Variants in GABRB2 observed in about 807,000 individuals in gnomAD.
The protein encoded by GABRB2 is gamma-aminobutyric acid type A receptor subunit beta2.
GABRB2 carries 16 observed loss-of-function variants against 54.7 expected under a neutral mutation model. The observed-to-expected ratio is 0.29, with a 90% CI of 0.20 to 0.44. GABRB2 has a LOEUF of 0.44. GABRB2 is among the 20% of genes least tolerant of loss of function. The probability of loss-of-function intolerance (pLI) is 1.00; values close to 1 mark genes in which losing one functional copy is unlikely to be tolerated. For missense variants in GABRB2, 355 were observed against 644.0 expected (o/e 0.55, Z 4.86); for synonymous variants, 244 against 233.8 (o/e 1.04, Z -0.40).
chr5:161,546,413 A>T lies in GABRB2; in HGVS notation c.78T>A (p.Ser26Arg). The T allele has an allele frequency of 6.2e-7, 1 of 1,612,080 alleles. No homozygotes were observed. Residue 26 changes from serine (S) to arginine (R), a missense_variant and splice_region_variant, in exon 2 of 10, where the codon AGT (serine) becomes AGA (arginine). By Grantham distance (110) the Ser-to-Arg change is moderately radical. Coordinates refer to ENST00000393959, the MANE Select transcript of GABRB2 (RefSeq NM_001371727.1). ...PLIIAAVCAQ[S>R]VNDPSNMSLV... ...GCGACATATTACTAGGGTCATTGAC[A>T]CTAAAGAAAGAAATGACAATAAGCA...
intron 4 of GABRB2, among the ~76,000 whole-genome samples, chr5:161,418,223 C>G (rs1441734530): frequency 6.6e-6 from 1 of 152,194 alleles, no homozygotes; most frequent in African/African-American, 2.4e-5. Context: ...AAATACTACT[C>G]AATTGAAAAT....
intron 8 of GABRB2, chr5:161,327,041 GACACACACACAC>G (rs150178203): frequency 0.027 from 13,347 of 495,730 alleles, 267 homozygotes; most frequent in East Asian, 0.078. Context: ...ATTCCATTAG[GACACACACACAC>G]ACACACACAC....
chr5:161,478,496 A>G (rs532425516), intron 3 of GABRB2, among the ~76,000 whole-genome samples: 1 of 152,166 alleles, frequency 6.6e-6, no homozygotes, highest in East Asian at 1.9e-4. Flanking sequence ...CCAGAAGTAC[A>G]TATTATTATT....
At chr5:161,340,685 GT>G (rs1173015626) in intron 5 of GABRB2, among the ~76,000 whole-genome samples, 1 of 151,368 alleles carries the variant, frequency 6.6e-6, no homozygotes, top group African/African-American at 2.4e-5. Flanking sequence ...AAAAAAAAAA[GT>G]AAAATGCTTA....
intron 3 of GABRB2, among the ~76,000 whole-genome samples, chr5:161,512,183 A>G (rs1162100229): frequency 6.6e-6 from 1 of 152,010 alleles, no homozygotes; most frequent in South Asian, 2.1e-4. Flanking sequence ...TTCAGATTCA[A>G]CTCTATTCCT....
chr5:161,309,821 C>A (rs549399554), intron 9 of GABRB2, among the ~76,000 whole-genome samples: 2 of 151,888 alleles, frequency 1.3e-5, no homozygotes, highest in Non-Finnish European at 2.9e-5. Context: ...TTAGTAGAGA[C>A]GGGGTTTCAC....
chr5:161,402,216 G>A (rs1477804723), intron 5 of GABRB2, among the ~76,000 whole-genome samples: 1 of 151,874 alleles, frequency 6.6e-6, no homozygotes, highest in Non-Finnish European at 1.5e-5. Context: ...ATAGGCAACT[G>A]GTTACAGAAA....
At chr5:161,348,433 C>T (rs1265697902) in intron 5 of GABRB2, among the ~76,000 whole-genome samples, 1 of 152,024 alleles carries the variant, frequency 6.6e-6, no homozygotes, top group Non-Finnish European at 1.5e-5. Context: ...TTTGCTTCTA[C>T]ATTTATTTTC....
At chr5:161,458,261 C>T (rs1353143682) in intron 4 of GABRB2, among the ~76,000 whole-genome samples, 1 of 152,168 alleles carries the variant, frequency 6.6e-6, no homozygotes, top group Non-Finnish European at 1.5e-5. Context: ...TCGAAGTCCA[C>T]CACTTCAGTA....
At chr5:161,322,202 C>A (rs1758230781) in intron 9 of GABRB2, among the ~76,000 whole-genome samples, 1 of 151,980 alleles carries the variant, frequency 6.6e-6, no homozygotes, top group Non-Finnish European at 1.5e-5. Flanking sequence ...ATTGTCTAAG[C>A]ATATAGTAGG....
chr5:161,545,482 A>T (rs1244112570), intron 2 of GABRB2, among the ~76,000 whole-genome samples, 188 bp from the exon 3 acceptor site: 2 of 151,844 alleles, frequency 1.3e-5, no homozygotes, highest in African/African-American at 2.4e-5. Flanking sequence ...TCCTCTAACA[A>T]ATGCTGTATT....
intron 3 of GABRB2, among the ~76,000 whole-genome samples, chr5:161,519,988 G>T (rs1279363468): frequency 6.6e-6 from 1 of 151,770 alleles, no homozygotes; most frequent in African/African-American, 2.4e-5. Flanking sequence ...TCCAATGTTG[G>T]TTTTTCCTCC....
chr5:161,318,240 G>A (rs144682281), intron 9 of GABRB2, among the ~76,000 whole-genome samples: 1 of 151,846 alleles, frequency 6.6e-6, no homozygotes, highest in East Asian at 1.9e-4. Context: ...TTTTTGCAAG[G>A]TTAAGAATAC....
intron 3 of GABRB2, among the ~76,000 whole-genome samples, chr5:161,472,729 G>A (rs548332711): frequency 4.6e-5 from 7 of 151,938 alleles, no homozygotes; most frequent in South Asian, 4.1e-4. Flanking sequence ...AGGGATGTAC[G>A]GTGCTACCTG....
rs953589292 is a variant in GABRB2, at chr5:161,464,042, G to T, written c.238-4198C>A. Among the ~76,000 whole-genome samples, 30 of 151,874 alleles carry T rather than the reference G, an allele frequency of 2.0e-4. 1 individual carries two copies. The highest frequency in any genetic ancestry group is 7.2e-4 in the African/African-American group (30 of 41,392). Reference sequence around the variant, plus strand: ...ATTCTCTGACTTTCGCTTCAGCAAAGACTTCTTAGATACAAACCTAAAAGT... The same window carrying T: ...ATTCTCTGACTTTCGCTTCAGCAAATACTTCTTAGATACAAACCTAAAAGT... On this transcript the variant is annotated intron_variant, in intron 3 of 9. Transcript: ENST00000393959.
intron 8 of GABRB2, chr5:161,327,040 G>A: frequency 1.6e-6 from 1 of 636,404 alleles, no homozygotes; most frequent in Middle Eastern, 7.9e-4. Context: ...AATTCCATTA[G>A]GACACACACA....
At chr5:161,355,906 C>G (rs898333686) in intron 5 of GABRB2, among the ~76,000 whole-genome samples, 1 of 152,064 alleles carries the variant, frequency 6.6e-6, no homozygotes, top group Admixed American at 6.6e-5. Flanking sequence ...TTATTTATAC[C>G]AGAAAAAATA....
chr5:161,480,859 G>A (rs1261471288), intron 3 of GABRB2, among the ~76,000 whole-genome samples: 2 of 151,928 alleles, frequency 1.3e-5, no homozygotes, highest in African/African-American at 4.8e-5. Flanking sequence ...TAATTTGAGG[G>A]TGAATGTGGC....
At chr5:161,530,763 AT>A (rs1760433576) in intron 3 of GABRB2, among the ~76,000 whole-genome samples, 1 of 152,102 alleles carries the variant, frequency 6.6e-6, no homozygotes, top group Non-Finnish European at 1.5e-5. Context: ...CAAAGGTGCC[AT>A]TTTTCAGTGA....
Sources: gnomAD v4.1 joint callset for allele counts (sites outside exome capture counted in the v4.1 genomes callset) on GRCh38, gnomAD v4.1.1 for gene constraint, MANE v1.5 for transcripts, NCBI Gene and HGNC (gene_info 2026-07-23, HGNC 2026-07-21) for gene names.